Variants in ABHD16A observed in about 807,000 individuals in gnomAD.
The protein encoded by ABHD16A is abhydrolase domain containing 16A, phospholipase.
Under a neutral mutation model 89.8 loss-of-function variants are expected in ABHD16A, and 47 were observed. The ratio of observed to expected loss-of-function variants is 0.52; its 90% CI spans 0.41 to 0.67. The LOEUF (loss-of-function observed/expected upper bound fraction) is 0.67, where lower values mean the gene tolerates loss of function less well. Among genes scored for constraint, ABHD16A ranks in the 30% least tolerant of loss-of-function variants. The pLI, the probability that ABHD16A is intolerant of heterozygous loss-of-function variation, is 0.00. For synonymous variants in ABHD16A, 251 were observed against 280.4 expected, an observed-to-expected ratio of 0.90 and a Z score of 1.05; for missense variants, 580 against 734.6, an observed-to-expected ratio of 0.79 and a Z score of 2.43.
rs1562094078 is a variant in ABHD16A, at chr6:31,688,885, C to G, written c.1187-99G>C. On this transcript the variant is annotated intron_variant, in intron 13 of 19. Transcript: ENST00000395952. This position sits in a 1 kb window ranked among gnomAD's most constrained non-coding sequence, Gnocchi z 4.9. ...GAGAAAGAAAACTGAGGCCCCCAGA[C>G]AAAGGAGTCCTCCTGCTTCCAACAA... 1.4e-6 allele frequency: 2 copies of G among 1,439,234 alleles called. No homozygotes were observed. The highest frequency in any genetic ancestry group is 1.9e-6 in the Non-Finnish European group (2 of 1,043,834). The allele number at this position is 1,439,234 out of a possible 1,614,324, so 89.2% of individuals were successfully genotyped here.
At position 31,688,070 on chromosome 6, in the gene ABHD16A, A is replaced by G. The variant is rs1803479353; in HGVS notation, c.1341T>C (p.Asn447=). ...GCTGCAGGAGCTTCAGCAGGAGGTCATTGCCTCGGTTGGACATGATGTCCT... is the reference window on the plus strand; with the variant it reads ...GCTGCAGGAGCTTCAGCAGGAGGTCGTTGCCTCGGTTGGACATGATGTCCT... ...VPEDIMSNRG[N]DLLLKLLQHR... The change falls in exon 16 of 20, where the codon AAT becomes AAC. Residue 447 remains asparagine, a synonymous_variant. Coordinates refer to ENST00000395952, the MANE Select transcript of ABHD16A (RefSeq NM_021160.3). The surrounding 1 kb of genome is among the most constrained non-coding windows in gnomAD (Gnocchi z 4.9). 6.2e-7 allele frequency: 1 copy of G among 1,612,992 alleles called. No individual in the cohort carries two copies. The highest frequency in any genetic ancestry group is 1.1e-5 in the South Asian group (1 of 90,976).
chr6:31,691,749 T>TGGGGGGGGGGGG, intron 8 of ABHD16A, 55 bp downstream of exon 8: 4 of 118,752 alleles, frequency 3.4e-5, no homozygotes, highest in Non-Finnish European at 4.8e-5. Flanking sequence ...TGGGGCGGGG[T>TGGGGGGGGGGGG]GGGTGGGGGT....
At chr6:31,699,182 G>A (rs1804661585) in intron 4 of ABHD16A, among the ~76,000 whole-genome samples, 1 of 151,908 alleles carries the variant, frequency 6.6e-6, no homozygotes, top group Admixed American at 6.6e-5. Flanking sequence ...CGAGGCGGGT[G>A]GATCACGAGG....
chr6:31,702,465 C>G, intron 1 of ABHD16A: 3 of 854,676 alleles, frequency 3.5e-6, no homozygotes, highest in Non-Finnish European at 5.2e-6. Context: ...AGAAAAGACA[C>G]CTAGACAATC....
intron 4 of ABHD16A, among the ~76,000 whole-genome samples, chr6:31,699,404 G>A (rs1392348038): frequency 1.1e-4 from 11 of 96,334 alleles, no homozygotes; most frequent in Non-Finnish European, 7.5e-5. Context: ...GCGAGACTCC[G>A]TCTCAAAAAA....
Position 31,690,487 on chromosome 6 carries a change from G to A in ABHD16A, c.907+52C>T. The A allele has an allele frequency of 1.9e-6, 3 of 1,590,538 alleles. No individual in the cohort carries two copies. The highest frequency in any genetic ancestry group is 2.6e-6 in the Non-Finnish European group (3 of 1,159,598). Reference sequence around the variant, plus strand: ...GGAGGTCAGGTCAGTGTGGGAGGCAGGGACATTCCCTTTCAAAGGGCGGAG... The same window carrying A: ...GGAGGTCAGGTCAGTGTGGGAGGCAAGGACATTCCCTTTCAAAGGGCGGAG... On this transcript the variant is annotated intron_variant, in intron 10 of 19. Transcript: ENST00000395952. The surrounding 1 kb of genome is among the most constrained non-coding windows in gnomAD (Gnocchi z 4.1).
At chr6:31,702,665 G>C in intron 1 of ABHD16A, 1 of 1,542,388 alleles carries the variant, frequency 6.5e-7, no homozygotes, top group Non-Finnish European at 8.7e-7. Flanking sequence ...GGCTAGGTTG[G>C]GCGGGGGTTG....
In ABHD16A at chr6:31,688,510, G is replaced by C; in HGVS notation, c.1251-205C>G. 1 of 779,688 alleles carries C rather than the reference G, an allele frequency of 1.3e-6. No individual in the cohort carries two copies. The highest frequency in any genetic ancestry group is 2.0e-6 in the Non-Finnish European group (1 of 490,150). 48.3% of individuals were successfully genotyped at this position (779,688 alleles called of 1,614,324 possible). A position where few individuals can be genotyped will look rare whatever the true frequency, so the allele number is the denominator to read the frequency against. On this transcript the variant is annotated intron_variant, in intron 14 of 19. Transcript: ENST00000395952. The surrounding 1 kb of genome is among the most constrained non-coding windows in gnomAD (Gnocchi z 4.9). ...TGCTGGGAGACCCCTGCCGTGCCAGGCCTTAACCCTTTGGTTGCCAGATCC... is the reference window on the plus strand; with the variant it reads ...TGCTGGGAGACCCCTGCCGTGCCAGCCCTTAACCCTTTGGTTGCCAGATCC...
Position 31,690,394 on chromosome 6 carries a change from A to G in ABHD16A, c.907+145T>C, listed in dbSNP as rs913905384. The G allele has an allele frequency of 2.8e-5, 25 of 898,692 alleles. No homozygotes were observed. The highest frequency in any genetic ancestry group is 2.7e-5 in the Non-Finnish European group (15 of 558,792). The allele number at this position is 898,692 out of a possible 1,614,324, so 55.7% of individuals were successfully genotyped here. A position where few individuals can be genotyped will look rare whatever the true frequency, so the allele number is the denominator to read the frequency against. On this transcript the variant is annotated intron_variant, in intron 10 of 19. Transcript: ENST00000395952. The surrounding 1 kb of genome is among the most constrained non-coding windows in gnomAD (Gnocchi z 4.1). Reference sequence around the variant, plus strand: ...GGAGGGATGTAAGGTTATCAAAGCAAATGGCGAGTGGACTTTTCCCTAAAG... The same window carrying G: ...GGAGGGATGTAAGGTTATCAAAGCAGATGGCGAGTGGACTTTTCCCTAAAG...
In ABHD16A at chr6:31,688,942, G is replaced by A. The variant is rs1370755954; in HGVS notation, c.1186+73C>T. On this transcript the variant is annotated intron_variant, in intron 13 of 19. Transcript: ENST00000395952. This position sits in a 1 kb window ranked among gnomAD's most constrained non-coding sequence, Gnocchi z 4.9. ...GACTTACTCCCCACCCAAGAAAAGG[G>A]AGCCATCTCAGAACAGTTCCCAGTT... The A allele has an allele frequency of 9.5e-6, 14 of 1,477,304 alleles. No homozygotes were observed. The highest frequency in any genetic ancestry group is 1.3e-5 in the Non-Finnish European group (14 of 1,079,812). The allele number at this position is 1,477,304 out of a possible 1,614,324, so 91.5% of individuals were successfully genotyped here.
At position 31,702,703 on chromosome 6, in the gene ABHD16A, G is replaced by C. The variant is rs1258026642; in HGVS notation, c.132+447C>G. ...GGGAGGACCGACGGATACAGGATCT[G>C]TAAAAGTCATTCTGAAATTCAAGGC... On this transcript the variant is annotated intron_variant, in intron 1 of 19. Transcript: ENST00000395952. The C allele has an allele frequency of 7.1e-6, 11 of 1,545,644 alleles. No homozygotes were observed. In the South Asian group the frequency reaches 1.1e-4, roughly 15 times the overall value.
In ABHD16A at chr6:31,690,184, C is replaced by A. The variant is rs1803732938; in HGVS notation, c.908-57G>T. The A allele has an allele frequency of 4.7e-6, 7 of 1,480,652 alleles. No individual in the cohort carries two copies. Among genetic ancestry groups the A allele is most frequent in the Non-Finnish European group, 6.4e-6 (7 of 1,097,624 alleles). 91.7% of individuals were successfully genotyped at this position (1,480,652 alleles called of 1,614,324 possible). ...TTGTGGCCCACAGCCCTTTCTCCAT[C>A]CCTGGGGGAAGGAAGAGCAGAAGTA... On this transcript the variant is annotated intron_variant, in intron 10 of 19. Coordinates refer to ENST00000395952, the MANE Select transcript of ABHD16A (RefSeq NM_021160.3). The surrounding 1 kb of genome is among the most constrained non-coding windows in gnomAD (Gnocchi z 4.1).
Position 31,687,591 on chromosome 6 carries a change from TC to T in ABHD16A, c.1547-48del. The T allele has an allele frequency of 6.2e-7, 1 of 1,612,856 alleles. No individual in the cohort carries two copies. Among genetic ancestry groups the T allele is most frequent in the Non-Finnish European group, 8.5e-7 (1 of 1,179,956 alleles). ...AATAGGCCACACATCTGGGTATTCA[TC>T]CCCTTCCTAGGCCCTTCCCACCCTC... On this transcript the variant is annotated intron_variant, in intron 18 of 19. Coordinates refer to ENST00000395952, the MANE Select transcript of ABHD16A (RefSeq NM_021160.3). This position sits in a 1 kb window ranked among gnomAD's most constrained non-coding sequence, Gnocchi z 6.3.
chr6:31,689,841 G>T, intron 11 of ABHD16A, 137 bp from the exon 12 acceptor site: 1 of 1,318,618 alleles, frequency 7.6e-7, no homozygotes, highest in Non-Finnish European at 1.0e-6. Flanking sequence ...AGGAGAGGTT[G>T]TTCTCTCCAG....
Position 31,690,224 on chromosome 6 carries a change from T to A in ABHD16A, c.908-97A>T. 1 of 1,186,422 alleles carries A rather than the reference T, an allele frequency of 8.4e-7. No homozygotes were observed. Among genetic ancestry groups the A allele is most frequent in the East Asian group, 2.5e-5 (1 of 40,448 alleles). The allele number at this position is 1,186,422 out of a possible 1,614,324, so 73.5% of individuals were successfully genotyped here. A position where few individuals can be genotyped will look rare whatever the true frequency, so the allele number is the denominator to read the frequency against. ...GAGCAGAAGTACCCCCCAGCTTAGA[T>A]GCAAATAACTCCAAGCCTTCCCAGA... is the stretch of plus-strand genomic sequence containing the variant. On this transcript the variant is annotated intron_variant, in intron 10 of 19. Transcript: ENST00000395952. The surrounding 1 kb of genome is among the most constrained non-coding windows in gnomAD (Gnocchi z 4.1).
At chr6:31,696,853 C>G (rs927509106) in intron 5 of ABHD16A, 95 bp downstream of exon 5, 5 of 1,247,634 alleles carry the variant, frequency 4.0e-6, no homozygotes, top group Admixed American at 3.4e-5. Context: ...AAACACACCT[C>G]CTCTTCCTGC....
At position 31,688,972 on chromosome 6, in the gene ABHD16A, C is replaced by A; in HGVS notation, c.1186+43G>T. 1.3e-6 allele frequency: 2 copies of A among 1,570,942 alleles called. No individual in the cohort carries two copies. Among genetic ancestry groups the A allele is most frequent in the Non-Finnish European group, 1.7e-6 (2 of 1,149,292 alleles). ...ATCTCAGAACAGTTCCCAGTTCCAGCCCACCCCTTCCCAGGAAGGGCAGGC... is the reference window on the plus strand; with the variant it reads ...ATCTCAGAACAGTTCCCAGTTCCAGACCACCCCTTCCCAGGAAGGGCAGGC... On this transcript the variant is annotated intron_variant, in intron 13 of 19. Transcript: ENST00000395952. This position sits in a 1 kb window ranked among gnomAD's most constrained non-coding sequence, Gnocchi z 4.9.
rs2151263491 is a variant in ABHD16A, at chr6:31,703,263, A to G, written c.19T>C (p.Cys7Arg). 1 of 1,367,164 alleles carries G rather than the reference A, an allele frequency of 7.3e-7. No homozygotes were observed. The highest frequency in any genetic ancestry group is 9.6e-7 in the Non-Finnish European group (1 of 1,047,044). The allele number at this position is 1,367,164 out of a possible 1,614,324, so 84.7% of individuals were successfully genotyped here. ...TTGTAGAGCCGGGGGCCTAGGACGCAGCTCAGCAGCTTCGCCATGGCCCCG... is the reference window on the plus strand; with the variant it reads ...TTGTAGAGCCGGGGGCCTAGGACGCGGCTCAGCAGCTTCGCCATGGCCCCG... MAKLLS[C>R]VLGPRLYKIY... is the part of the protein sequence containing the mutation. Residue 7 changes from cysteine (C) to arginine (R), a missense_variant, in exon 1 of 20, where the codon TGC becomes CGC. Transcript: ENST00000395952.
At position 31,687,725 on chromosome 6, in the gene ABHD16A, C is replaced by T. The variant is rs756957697; in HGVS notation, c.1463G>A (p.Arg488Gln). The change falls in exon 18 of 20, where the codon CGA becomes CAA. Residue 488 changes from arginine to glutamine, a missense_variant. Physicochemically the swap from Arg to Gln is conservative, Grantham distance 43. Coordinates refer to ENST00000395952, the MANE Select transcript of ABHD16A (RefSeq NM_021160.3). The surrounding 1 kb of genome is among the most constrained non-coding windows in gnomAD (Gnocchi z 6.3). ...SQLEEASIYS[R>Q]WEVEEDWCLS... is the part of the protein sequence containing the mutation. ...ACACCAGTCCTCTTCCACCTCCCAT[C>T]GGCTATAAATTGAGGCTGGTCAGGG... 7.1e-5 allele frequency: 114 copies of T among 1,612,720 alleles called. No homozygotes were observed. The highest frequency in any genetic ancestry group is 9.2e-5 in the Non-Finnish European group (109 of 1,179,912).
Sources: allele counts gnomAD v4.1 joint callset (sites outside exome capture counted in the v4.1 genomes callset), GRCh38; gene constraint gnomAD v4.1.1; non-coding constraint Gnocchi (gnomAD v3.1); transcripts MANE v1.5; gene names NCBI Gene and HGNC (gene_info 2026-07-23, HGNC 2026-07-21).